The following C2 variants were observed in gnomAD, a reference collection of about 807,000 sequenced individuals.
The protein encoded by C2 is C3/C5 convertase.
C2 carries 64 observed loss-of-function variants against 85.2 expected under a neutral mutation model. The ratio of observed to expected loss-of-function variants is 0.75; its 90% CI spans 0.61 to 0.92. The LOEUF (loss-of-function observed/expected upper bound fraction) is 0.92, where lower values mean the gene tolerates loss of function less well. Ranked by LOEUF, C2 falls within the 40% of genes least tolerant of loss-of-function variation. C2 has a pLI of 0.00. For synonymous variants in C2, 311 were observed against 370.8 expected, an observed-to-expected ratio of 0.84 and a Z score of 1.85; for missense variants, 820 against 971.6, an observed-to-expected ratio of 0.84 and a Z score of 2.07.
chr6:31,937,974 C>T (rs759486372), intron 8 of C2, among the ~76,000 whole-genome samples: 1 of 151,830 alleles, frequency 6.6e-6, no homozygotes, highest in Non-Finnish European at 1.5e-5. Context: ...CACTGCACTC[C>T]AGCCTGGGTG....
chr6:31,905,047 TG>T (rs1255000783), intron 1 of C2, among the ~76,000 whole-genome samples: 1 of 152,158 alleles, frequency 6.6e-6, no homozygotes, highest in Non-Finnish European at 1.5e-5. Flanking sequence ...CCCCAACTTC[TG>T]CCAGTATAAA....
At chr6:31,929,951 G>T (rs1011450621) in intron 3 of C2, among the ~76,000 whole-genome samples, 2 of 151,504 alleles carry the variant, frequency 1.3e-5, no homozygotes, top group African/African-American at 2.4e-5. Flanking sequence ...GGCAGAGGTT[G>T]CAGTGAGCCG....
upstream of C2, among the ~76,000 whole-genome samples, chr6:31,926,523 G>A (rs575979183): frequency 1.7e-4 from 26 of 152,004 alleles, no homozygotes; most frequent in Admixed American, 3.9e-4. Flanking sequence ...TAGTAGAGAC[G>A]GGGTTTCACC....
At chr6:31,908,515 T>A (rs1429634938) in intron 1 of C2, among the ~76,000 whole-genome samples, 2 of 151,082 alleles carry the variant, frequency 1.3e-5, no homozygotes, top group Admixed American at 1.3e-4. Flanking sequence ...TAGCTGGGTG[T>A]GGTGGGGGTG....
chr6:31,944,095 TA>T lies in C2; in HGVS notation c.1811-36del. On this transcript the variant is annotated intron_variant, in intron 14 of 17. Coordinates refer to ENST00000299367, the MANE Select transcript of C2 (RefSeq NM_000063.6). This position sits in a 1 kb window ranked among gnomAD's most constrained non-coding sequence, Gnocchi z 5.1. Reference sequence around the variant, plus strand: ...CCAAGCCAGGAACCTGGATTCTGGGTAAAAGGACCAGCACCAACATCCCCTT... The same window carrying T: ...CCAAGCCAGGAACCTGGATTCTGGGTAAAGGACCAGCACCAACATCCCCTT... The T allele has an allele frequency of 6.3e-7, 1 of 1,594,294 alleles. No individual in the cohort carries two copies. Among genetic ancestry groups the T allele is most frequent in the South Asian group, 1.1e-5 (1 of 90,744 alleles).
At chr6:31,899,843 C>CA, upstream of C2, 1 of 1,421,816 alleles carries the variant, frequency 7.0e-7, no homozygotes, top group Non-Finnish European at 9.4e-7. Flanking sequence ...CCAGACCCCC[C>CA]ACCCCCCAAT....
chr6:31,903,437 C>G (rs1172745126), intron 1 of C2, among the ~76,000 whole-genome samples: 4 of 152,094 alleles, frequency 2.6e-5, no homozygotes, highest in African/African-American at 9.7e-5. Flanking sequence ...CGAGACCAGC[C>G]TGGCCAACAT....
rs140767210 is a variant in C2 at position 31,928,737 on chromosome 6, C to G, written c.262C>G (p.Arg88Gly). 6.2e-7 allele frequency: 1 copy of G among 1,614,208 alleles called. No individual in the cohort carries two copies. Among genetic ancestry groups the G allele is most frequent in the Non-Finnish European group, 8.5e-7 (1 of 1,180,016 alleles). Residue 88 changes from arginine (R) to glycine (G), a missense_variant, in exon 3 of 18, where the codon CGC becomes GGC. Transcript: ENST00000299367. Reference protein sequence around the residue: ...SLSKAVCKPVRCPAPVSFENG... With the variant: ...SLSKAVCKPVGCPAPVSFENG... Reference sequence around the variant, plus strand: ...CCCACTTCCTCTCTCTCCAGCTGTGCGCTGTCCAGCCCCTGTCTCCTTTGA... The same window carrying G: ...CCCACTTCCTCTCTCTCCAGCTGTGGGCTGTCCAGCCCCTGTCTCCTTTGA...
upstream of C2, among the ~76,000 whole-genome samples, chr6:31,919,229 C>G (rs1394024541): frequency 6.6e-6 from 1 of 151,150 alleles, no homozygotes; most frequent in African/African-American, 2.4e-5. Context: ...ACAGCAACCT[C>G]TGCCTCCCAG....
upstream of C2, among the ~76,000 whole-genome samples, chr6:31,915,914 G>A (rs781131888): frequency 5.9e-5 from 9 of 152,208 alleles, no homozygotes; most frequent in Admixed American, 2.6e-4. Context: ...GTGTAGCGCT[G>A]ACTGGCTCAC....
chr6:31,933,081 G>C (rs964601600), intron 3 of C2, among the ~76,000 whole-genome samples: 6 of 152,212 alleles, frequency 3.9e-5, no homozygotes, highest in African/African-American at 9.6e-5. Flanking sequence ...GTCCAGCTTC[G>C]GCTCGGCATC....
rs1276222916 is a variant in C2, at chr6:31,904,210, G to A, written c.73+3071G>A. Reference sequence around the variant, plus strand: ...CAGGGCTAATGTGAGGTTTAAATGAGCCTGGCATGCAGTAGTTGCTGAGTA... The same window carrying A: ...CAGGGCTAATGTGAGGTTTAAATGAACCTGGCATGCAGTAGTTGCTGAGTA... On this transcript the variant is annotated intron_variant, in intron 1 of 3. Transcript: ENST00000452202. The surrounding 1 kb of genome is among the most constrained non-coding windows in gnomAD (Gnocchi z 4.4). 6.6e-6 allele frequency among the ~76,000 whole-genome samples: 1 copy of A among 151,978 alleles called. No homozygotes were observed. The highest frequency in any genetic ancestry group is 2.4e-5 in the African/African-American group (1 of 41,318).
In C2 at chr6:31,927,731, C is replaced by T. The variant is rs763436700; in HGVS notation, c.-22C>T. 7.4e-6 allele frequency: 12 copies of T among 1,613,066 alleles called. No individual in the cohort carries two copies. Among genetic ancestry groups the T allele is most frequent in the East Asian group, 2.2e-5 (1 of 44,884 alleles). ...TTCCCTCCCGCGGCTCTCTACCTCT[C>T]GCCGCCCCTAGGGAGGACACCATGG... On this transcript the variant is annotated 5_prime_UTR_variant, in exon 1 of 18. Transcript: ENST00000299367. This position sits in a 1 kb window ranked among gnomAD's most constrained non-coding sequence, Gnocchi z 4.7.
At chr6:31,918,141 C>T (rs1768684560), upstream of C2, among the ~76,000 whole-genome samples, 1 of 151,926 alleles carries the variant, frequency 6.6e-6, no homozygotes, top group Admixed American at 6.6e-5. Context: ...AAAACTTAGC[C>T]TGGTATGATG....
chr6:31,936,611 A>T (rs1423863150), intron 7 of C2: 1 of 157,356 alleles, frequency 6.4e-6, no homozygotes, highest in Non-Finnish European at 1.4e-5. Flanking sequence ...GGGTTCAGGC[A>T]ATTCTCCTGC....
Position 31,935,216 on chromosome 6 carries a change from A to C in C2, c.850-707A>C. The C allele has an allele frequency of 3.0e-5, 7 of 230,850 alleles. No individual in the cohort carries two copies. Among genetic ancestry groups the C allele is most frequent in the Non-Finnish European group, 5.0e-5 (7 of 140,086 alleles). The allele number at this position is 230,850 out of a possible 1,614,324, so 14.3% of individuals were successfully genotyped here. A position where few individuals can be genotyped will look rare whatever the true frequency, so the allele number is the denominator to read the frequency against. ...CTTGGGACTCAAAATTAAGTAACTC[A>C]TTGCACTGCGAGGCGGCAACACACA... On this transcript the variant is annotated intron_variant, in intron 6 of 17. Transcript: ENST00000299367. The surrounding 1 kb of genome is among the most constrained non-coding windows in gnomAD (Gnocchi z 4.3).
intron 3 of C2, among the ~76,000 whole-genome samples, chr6:31,931,534 A>G (rs1367669588): frequency 5.3e-5 from 8 of 151,492 alleles, no homozygotes; most frequent in Non-Finnish European, 1.0e-4. Context: ...AATCCATTCA[A>G]CCCTGAGTGG....
At chr6:31,936,202 C>A (rs533764524) in intron 7 of C2, 141 bp downstream of exon 7, 1 of 874,950 alleles carries the variant, frequency 1.1e-6, no homozygotes, top group Non-Finnish European at 1.8e-6. Context: ...GTAGTTTCAA[C>A]GTCCAGGGTT....
chr6:31,935,776 A>G lies in C2; in HGVS notation c.850-147A>G. 2.3e-6 allele frequency: 2 copies of G among 872,828 alleles called. No individual in the cohort carries two copies. 54.1% of individuals were successfully genotyped at this position (872,828 alleles called of 1,614,324 possible). A position where few individuals can be genotyped will look rare whatever the true frequency, so the allele number is the denominator to read the frequency against. ...GCCCAGCCCCTAGCTTCTTCCTAAC[A>G]GCCATTTCCTAGTGTCTCCCCTGGT... On this transcript the variant is annotated intron_variant, in intron 6 of 17. Coordinates refer to ENST00000299367, the MANE Select transcript of C2 (RefSeq NM_000063.6). The surrounding 1 kb of genome is among the most constrained non-coding windows in gnomAD (Gnocchi z 4.3).
Sources: gnomAD v4.1 joint callset for allele counts (sites outside exome capture counted in the v4.1 genomes callset) on GRCh38, gnomAD v4.1.1 for gene constraint, Gnocchi (gnomAD v3.1) non-coding constraint, MANE v1.5 for transcripts, NCBI Gene and HGNC (gene_info 2026-07-23, HGNC 2026-07-21) for gene names.